The following DBF4 variants were observed in gnomAD, a reference collection of about 807,000 sequenced individuals.
The protein encoded by DBF4 is protein DBF4 homolog A.
DBF4 carries 25 observed loss-of-function variants against 76.6 expected under a neutral mutation model. That is an observed-to-expected ratio of 0.33 (90% confidence interval 0.24 to 0.46). The LOEUF is 0.46. Among genes scored for constraint, DBF4 ranks in the 20% least tolerant of loss-of-function variants. The pLI is 1.00. For missense variants in DBF4, 638 were observed against 760.8 expected (o/e 0.84, Z 1.90); for synonymous variants, 213 against 258.0 (o/e 0.83, Z 1.67).
chr7:87,888,160 C>G (rs1463988015), intron 6 of DBF4, 101 bp downstream of exon 6: 4 of 1,378,864 alleles, frequency 2.9e-6, no homozygotes, highest in Non-Finnish European at 2.9e-6. Flanking sequence ...TAGGGGCAAG[C>G]CTGTGTATGA....
In DBF4 at chr7:87,898,315, T is replaced by G. The variant is rs571878829; in HGVS notation, c.680+976T>G. On this transcript the variant is annotated intron_variant, in intron 8 of 11. Transcript: ENST00000265728. ...AAAGACACTAGTATACGAAAGGACA[T>G]CCCATGTTCATGAATTGGAAGATAT... 2.6e-5 allele frequency among the ~76,000 whole-genome samples: 4 copies of G among 152,290 alleles called. No individual in the cohort carries two copies. The South Asian group carries it at 8.3e-4, about 32-fold the overall frequency.
intron 9 of DBF4, 39 bp from the exon 10 acceptor site, chr7:87,900,724 GT>G: frequency 6.6e-7 from 1 of 1,520,492 alleles, no homozygotes; most frequent in Non-Finnish European, 9.0e-7. Flanking sequence ...TATTCCTTAG[GT>G]TCAGCAGTTA....
At chr7:87,896,828 A>C (rs1050755195) in intron 7 of DBF4, among the ~76,000 whole-genome samples, 97 of 152,244 alleles carry the variant, frequency 6.4e-4, no homozygotes, top group African/African-American at 2.1e-3. Flanking sequence ...CTAGCAGTGA[A>C]TCTAATTGCC....
intron 8 of DBF4, among the ~76,000 whole-genome samples, chr7:87,898,458 G>T (rs1391861419): frequency 1.3e-5 from 2 of 151,996 alleles, no homozygotes; most frequent in African/African-American, 4.8e-5. Flanking sequence ...AATTCATACG[G>T]AATTGTAACA....
chr7:87,878,349 C>T (rs560051342), intron 2 of DBF4, 124 bp downstream of exon 2: 1 of 755,832 alleles, frequency 1.3e-6, no homozygotes, highest in African/African-American at 1.8e-5. Context: ...ACATTTTTAT[C>T]AGCTGTTTAT....
chr7:87,889,560 A>G (rs1839437266), intron 6 of DBF4, among the ~76,000 whole-genome samples: 1 of 152,142 alleles, frequency 6.6e-6, no homozygotes, highest in African/African-American at 2.4e-5. Flanking sequence ...GATTACAGCC[A>G]TAAGCAACCA....
Position 87,887,290 on chromosome 7 carries a change from TA to T in DBF4, c.451-37del, listed in dbSNP as rs1255775880. 2.9e-6 allele frequency: 4 copies of T among 1,362,142 alleles called. No homozygotes were observed. In the East Asian group the frequency reaches 9.7e-5, roughly 33 times the overall value. The allele number at this position is 1,362,142 out of a possible 1,614,324, so 84.4% of individuals were successfully genotyped here. On this transcript the variant is annotated intron_variant, in intron 4 of 11. Coordinates refer to ENST00000265728, the MANE Select transcript of DBF4 (RefSeq NM_006716.4). ...TTATTAAAATTTAGCTCATCTTAAA[TA>T]ATTTCCTAGAACAACCATAAAACTT... is the stretch of plus-strand genomic sequence containing the variant.
chr7:87,906,019 G>A (rs1406240438), intron 11 of DBF4, among the ~76,000 whole-genome samples: 2 of 151,860 alleles, frequency 1.3e-5, no homozygotes, highest in African/African-American at 2.4e-5. Flanking sequence ...AAAAAATTAG[G>A]TGGTGGCACA....
Position 87,907,988 on chromosome 7 carries a change from C to T in DBF4, c.1850C>T (p.Ser617Phe). 1.2e-6 allele frequency: 2 copies of T among 1,613,656 alleles called. No individual in the cohort carries two copies. The highest frequency in any genetic ancestry group is 1.1e-5 in the South Asian group (1 of 90,992). Residue 617 changes from serine to phenylalanine, a missense_variant, in exon 12 of 12, where the codon TCT (serine) becomes TTT (phenylalanine). By Grantham distance (155) the Ser-to-Phe change is radical (BLOSUM62 -2). Transcript: ENST00000265728. Reference sequence around the variant, plus strand: ...AGAATTTGTAGTTCACCGGTACAGTCTTTACTAGACTTGTTTCAGACTAGT... The same window carrying T: ...AGAATTTGTAGTTCACCGGTACAGTTTTTACTAGACTTGTTTCAGACTAGT... ...ENRICSSPVQ[S>F]LLDLFQTSEE...
chr7:87,902,987 G>T (rs1216957021), intron 10 of DBF4, among the ~76,000 whole-genome samples: 1 of 152,166 alleles, frequency 6.6e-6, no homozygotes, highest in African/African-American at 2.4e-5. Flanking sequence ...TTAGGCTGGA[G>T]ATTCCACCTA....
At chr7:87,886,968 TG>T in intron 4 of DBF4, 74 bp downstream of exon 4, 1 of 1,061,454 alleles carries the variant, frequency 9.4e-7, no homozygotes, top group Non-Finnish European at 1.4e-6. Context: ...CAGATATTCT[TG>T]AAATTTTCCT....
At chr7:87,893,339 G>C (rs1366366670) in intron 6 of DBF4, among the ~76,000 whole-genome samples, 1 of 148,758 alleles carries the variant, frequency 6.7e-6, no homozygotes, top group African/African-American at 2.5e-5. Flanking sequence ...TCCGCTTCCC[G>C]GGTTCACGCC....
chr7:87,897,356 A>C lies in DBF4; in HGVS notation c.680+17A>C, dbSNP rs758222167. ...TATGAGCCAGTAAGTATTTAAGTCC[A>C]ATCTGTATGATTTAAGTGCAATACT... On this transcript the variant is annotated intron_variant, in intron 8 of 11. Transcript: ENST00000265728. 1 of 1,610,532 alleles carries C rather than the reference A, an allele frequency of 6.2e-7. No homozygotes were observed. Among genetic ancestry groups the C allele is most frequent in the Non-Finnish European group, 8.5e-7 (1 of 1,178,488 alleles).
At chr7:87,876,838 C>G (rs1839060393) in intron 1 of DBF4, 60 bp downstream of exon 1, 1 of 1,581,652 alleles carries the variant, frequency 6.3e-7, no homozygotes, top group Non-Finnish European at 8.7e-7. Context: ...CGTGGTTCCA[C>G]CATTGATTCT....
In DBF4 at chr7:87,876,798, C is replaced by T. The variant is rs1489954453; in HGVS notation, c.46+20C>T. 6.2e-7 allele frequency: 1 copy of T among 1,613,650 alleles called. No homozygotes were observed. Among genetic ancestry groups the T allele is most frequent in the East Asian group, 2.2e-5 (1 of 44,880 alleles). ...TCCAGGGTAAGAAGCCCCTCCTCCGCCTGCAGTCCCTTTAATCCTTTCCTC... is the reference window on the plus strand; with the variant it reads ...TCCAGGGTAAGAAGCCCCTCCTCCGTCTGCAGTCCCTTTAATCCTTTCCTC... On this transcript the variant is annotated intron_variant, in intron 1 of 11. Coordinates refer to ENST00000265728, the MANE Select transcript of DBF4 (RefSeq NM_006716.4).
At position 87,878,222 on chromosome 7, in the gene DBF4, A is replaced by T. The variant is rs1303623252; in HGVS notation, c.216A>T (p.Gly72=). 3 of 1,609,088 alleles carry T rather than the reference A, an allele frequency of 1.9e-6. No homozygotes were observed. The highest frequency in any genetic ancestry group is 4.5e-5 in the East Asian group (2 of 44,708). The change falls in exon 2 of 12, where the codon GGA becomes GGT. Residue 72 remains glycine, a synonymous_variant. Coordinates refer to ENST00000265728, the MANE Select transcript of DBF4 (RefSeq NM_006716.4). ...EKLQKDIKDL[G]GRVEEFLSKD... Reference sequence around the variant, plus strand: ...TTCAAAAGGACATTAAGGATCTGGGAGGGGTAAGTGAAAACCGTACACTGG... The same window carrying T: ...TTCAAAAGGACATTAAGGATCTGGGTGGGGTAAGTGAAAACCGTACACTGG...
chr7:87,886,881 C>A lies in DBF4; in HGVS notation c.437C>A (p.Ala146Asp). 6.4e-7 allele frequency: 1 copy of A among 1,567,376 alleles called. No homozygotes were observed. Among genetic ancestry groups the A allele is most frequent in the Non-Finnish European group, 8.7e-7 (1 of 1,147,080 alleles). Residue 146 changes from alanine to aspartate, a missense_variant, in exon 4 of 12, where the codon GCT becomes GAT. By Grantham distance (126) the Ala-to-Asp change is moderately radical (BLOSUM62 -2). Coordinates refer to ENST00000265728, the MANE Select transcript of DBF4 (RefSeq NM_006716.4). The part of the protein sequence containing the change: ...LSRGKLLVEK[A>D]IKDHDFIPSN... ...AGAGGAAAATTATTAGTTGAAAAAG[C>A]TATCAAGGACCATGTAAGTAGGAAC...
rs147574142 is a variant in DBF4, at chr7:87,883,735, C to T, written c.220-1244C>T. ...TTAGATGAAGTTAACTTATCTGTTA[C>T]ACACTTCATTTTTATTATCATTTAT... On this transcript the variant is annotated intron_variant, in intron 2 of 11. Coordinates refer to ENST00000265728, the MANE Select transcript of DBF4 (RefSeq NM_006716.4). Among the ~76,000 whole-genome samples, 738 of 152,292 alleles carry T rather than the reference C, an allele frequency of 4.8e-3. 5 individuals are homozygous for T. Among genetic ancestry groups the T allele is most frequent in the African/African-American group, 0.017 (698 of 41,562 alleles).
intron 11 of DBF4, among the ~76,000 whole-genome samples, chr7:87,905,196 G>C (rs1032041697): frequency 2.6e-5 from 4 of 152,186 alleles, no homozygotes; most frequent in Admixed American, 2.6e-4. Context: ...TGATATTTTA[G>C]GTTTTGTGAG....
Sources: allele counts gnomAD v4.1 joint callset (sites outside exome capture counted in the v4.1 genomes callset), GRCh38; gene constraint gnomAD v4.1.1; transcripts MANE v1.5; gene names NCBI Gene and HGNC (gene_info 2026-07-23, HGNC 2026-07-21).